ANKS1A: variants seen among roughly 807,000 people sequenced by gnomAD.
ANKS1A encodes the protein ankyrin repeat and sterile alpha motif domain containing 1A.
Under a neutral mutation model 120.3 loss-of-function variants are expected in ANKS1A, and 55 were observed. That is an observed-to-expected ratio of 0.46 (90% CI 0.37 to 0.57). ANKS1A has a LOEUF of 0.57. Ranked by LOEUF, ANKS1A falls within the 20% of genes least tolerant of loss-of-function variation. The pLI is 0.00. For missense variants in ANKS1A, 1,123 were observed against 1,480.3 expected (o/e 0.76, Z 3.96); for synonymous variants, 590 against 604.7 (o/e 0.98, Z 0.36).
chr6:35,015,867 G>A (rs1053310104), intron 10 of ANKS1A, among the ~76,000 whole-genome samples: 11 of 152,330 alleles, frequency 7.2e-5, no homozygotes, highest in African/African-American at 2.6e-4. Flanking sequence ...TGCTCATTTT[G>A]CACCCCTCCT....
chr6:34,900,815 C>G (rs1168652162), intron 1 of ANKS1A, among the ~76,000 whole-genome samples: 1 of 151,724 alleles, frequency 6.6e-6, no homozygotes, highest in Non-Finnish European at 1.5e-5. Context: ...TTTGGGAAGA[C>G]TTTGACTACA....
intron 3 of ANKS1A, among the ~76,000 whole-genome samples, chr6:34,980,369 C>T (rs746011838): frequency 2.0e-5 from 3 of 152,214 alleles, no homozygotes; most frequent in Non-Finnish European, 4.4e-5. Context: ...TCTTTGCCAT[C>T]GTTCTCACCT....
intron 13 of ANKS1A, among the ~76,000 whole-genome samples, chr6:35,074,448 AT>A (rs200999011): frequency 6.6e-6 from 1 of 151,994 alleles, no homozygotes; most frequent in East Asian, 1.9e-4. Flanking sequence ...AAAAAAAAAA[AT>A]AGCCAGGCAT....
At chr6:35,015,759 T>A (rs1006696531) in intron 10 of ANKS1A, among the ~76,000 whole-genome samples, 1 of 152,206 alleles carries the variant, frequency 6.6e-6, no homozygotes, top group Non-Finnish European at 1.5e-5. Flanking sequence ...GTTGAGACAT[T>A]TCTTAAAGGC....
At chr6:34,928,219 C>T (rs891096071) in intron 1 of ANKS1A, among the ~76,000 whole-genome samples, 2 of 152,218 alleles carry the variant, frequency 1.3e-5, no homozygotes, top group African/African-American at 4.8e-5. Context: ...GCATGAACCA[C>T]AGACTTCTGC....
rs1777892732 is a variant in ANKS1A at position 35,085,075 on chromosome 6, C to A, written c.3133-691C>A. 6.6e-6 allele frequency among the ~76,000 whole-genome samples: 1 copy of A among 152,170 alleles called. No homozygotes were observed. On this transcript the variant is annotated intron_variant, in intron 21 of 23. Coordinates refer to ENST00000360359, the MANE Select transcript of ANKS1A (RefSeq NM_015245.3). The surrounding 1 kb of genome is among the most constrained non-coding windows in gnomAD (Gnocchi z 4.7). ...CCACACTCCTGGGACCTCATCCACC[C>A]CAGTCCTCTGTTTGCTCTGGGCCAG...
At chr6:35,092,233 A>G (rs1442052969), downstream of ANKS1A, among the ~76,000 whole-genome samples, 1 of 152,196 alleles carries the variant, frequency 6.6e-6, no homozygotes, top group African/African-American at 2.4e-5. Context: ...GGCCTGTTTC[A>G]ACCCCAGCTG....
At chr6:34,940,778 G>T (rs1188706772) in intron 1 of ANKS1A, among the ~76,000 whole-genome samples, 1 of 151,606 alleles carries the variant, frequency 6.6e-6, no homozygotes, top group Non-Finnish European at 1.5e-5. Context: ...CGTGGTGGCG[G>T]GTGCCTGTAA....
At position 34,985,189 on chromosome 6, in the gene ANKS1A, G is replaced by A. The variant is rs534338356; in HGVS notation, c.1120G>A (p.Asp374Asn). The A allele has an allele frequency of 1.7e-5, 27 of 1,614,182 alleles. 1 individual carries two copies. The South Asian group carries it at 2.6e-4, about 16-fold the overall frequency. ...TAATGCCATCTCCTGCCATTCGTTG[G>A]ACAGCATGGCCAGCGGGCGATCATC... is the stretch of plus-strand genomic sequence containing the variant. The part of the protein sequence containing the change: ...LYNAISCHSL[D>N]SMASGRSSDQ... The change falls in exon 8 of 24, where the codon GAC (aspartate) becomes AAC (asparagine). Residue 374 changes from aspartate to asparagine, a missense_variant. Coordinates refer to ENST00000360359, the MANE Select transcript of ANKS1A (RefSeq NM_015245.3).
intron 23 of ANKS1A, among the ~76,000 whole-genome samples, chr6:35,087,815 G>T (rs868829683): frequency 1.3e-5 from 2 of 152,208 alleles, no homozygotes; most frequent in African/African-American, 4.8e-5. Context: ...CACACAGCAG[G>T]TGTCTCAGTC....
chr6:34,967,447 G>C (rs1770952957), intron 2 of ANKS1A, 128 bp downstream of exon 2: 4 of 774,834 alleles, frequency 5.2e-6, no homozygotes, highest in Non-Finnish European at 6.0e-6. Context: ...CAGCACTTTG[G>C]GAGGCCGAGG....
rs768550933 is a variant in ANKS1A, at chr6:35,060,070, A to G, written c.2078-77A>G. 5.9e-6 allele frequency: 7 copies of G among 1,194,810 alleles called. No individual in the cohort carries two copies. The highest frequency in any genetic ancestry group is 4.5e-5 in the African/African-American group (3 of 66,770). The allele number at this position is 1,194,810 out of a possible 1,614,324, so 74.0% of individuals were successfully genotyped here. ...TGACTATGATGTGGCAATGCCATCT[A>G]TCTTCCTCTGAGTGCCGCTGCTACC... is the stretch of plus-strand genomic sequence containing the variant. On this transcript the variant is annotated intron_variant, in intron 12 of 23. Transcript: ENST00000360359. This position sits in a 1 kb window ranked among gnomAD's most constrained non-coding sequence, Gnocchi z 4.5.
At position 34,889,648 on chromosome 6, in the gene ANKS1A, C is replaced by A. The variant is rs763330642; in HGVS notation, c.197+49C>A. 5.6e-6 allele frequency: 7 copies of A among 1,260,996 alleles called. No individual in the cohort carries two copies. The highest frequency in any genetic ancestry group is 7.0e-6 in the Non-Finnish European group (7 of 1,004,420). The allele number at this position is 1,260,996 out of a possible 1,614,324, so 78.1% of individuals were successfully genotyped here. A position where few individuals can be genotyped will look rare whatever the true frequency, so the allele number is the denominator to read the frequency against. On this transcript the variant is annotated intron_variant, in intron 1 of 23. Coordinates refer to ENST00000360359, the MANE Select transcript of ANKS1A (RefSeq NM_015245.3). This position sits in a 1 kb window ranked among gnomAD's most constrained non-coding sequence, Gnocchi z 5.5. Reference sequence around the variant, plus strand: ...CGCTGCCTGCAGACCCTTTCTCCCCCACCCGTCTCTTGGGTCCCCAGAGAG... The same window carrying A: ...CGCTGCCTGCAGACCCTTTCTCCCCAACCCGTCTCTTGGGTCCCCAGAGAG...
chr6:35,043,795 T>G (rs1290836541), intron 11 of ANKS1A, among the ~76,000 whole-genome samples: 2 of 152,218 alleles, frequency 1.3e-5, no homozygotes, highest in Non-Finnish European at 2.9e-5. Context: ...CTGCCTTCCT[T>G]TTATTACATG....
intron 1 of ANKS1A, among the ~76,000 whole-genome samples, chr6:34,932,319 C>T (rs1458892146): frequency 1.3e-5 from 2 of 151,938 alleles, no homozygotes; most frequent in Non-Finnish European, 2.9e-5. Flanking sequence ...CCGAGTAACT[C>T]GGATTACAGG....
At chr6:34,931,672 T>C (rs1768987160) in intron 1 of ANKS1A, among the ~76,000 whole-genome samples, 1 of 152,190 alleles carries the variant, frequency 6.6e-6, no homozygotes, top group Non-Finnish European at 1.5e-5. Flanking sequence ...GTACTTTTTC[T>C]TCCAACCAGT....
intron 14 of ANKS1A, among the ~76,000 whole-genome samples, chr6:35,078,998 A>C (rs1245539003): frequency 6.6e-6 from 1 of 151,946 alleles, no homozygotes; most frequent in Admixed American, 6.5e-5. Flanking sequence ...GGCTCACTGG[A>C]GCCCTGGCCA....
intron 13 of ANKS1A, among the ~76,000 whole-genome samples, chr6:35,062,229 G>C (rs747887725): frequency 6.6e-6 from 1 of 152,222 alleles, no homozygotes; most frequent in African/African-American, 2.4e-5. Context: ...GGCAGGTGGA[G>C]TCTATACAAG....
rs1347184713 is a variant in ANKS1A, at chr6:35,089,080, G to A, written c.*471G>A. 2 of 1,050,022 alleles carry A rather than the reference G, an allele frequency of 1.9e-6. No homozygotes were observed. The highest frequency in any genetic ancestry group is 4.7e-4 in the Middle Eastern group (1 of 2,120). The allele number at this position is 1,050,022 out of a possible 1,614,324, so 65.0% of individuals were successfully genotyped here. A position where few individuals can be genotyped will look rare whatever the true frequency, so the allele number is the denominator to read the frequency against. On this transcript the variant is annotated 3_prime_UTR_variant, in exon 24 of 24. Coordinates refer to ENST00000360359, the MANE Select transcript of ANKS1A (RefSeq NM_015245.3). ...CAGTGGGTCGGAAGAGAAGGCGGTG[G>A]CCTGTGGGTGAGGGGAACGGAGCAG... is the stretch of plus-strand genomic sequence containing the variant.
Sources: allele counts gnomAD v4.1 joint callset (sites outside exome capture counted in the v4.1 genomes callset), GRCh38; gene constraint gnomAD v4.1.1; non-coding constraint Gnocchi (gnomAD v3.1); transcripts MANE v1.5; gene names NCBI Gene and HGNC (gene_info 2026-07-23, HGNC 2026-07-21).